The following ATG5 variants were observed in gnomAD, a reference collection of about 807,000 sequenced individuals.
ATG5 encodes autophagy related 5.
A neutral mutation model predicts 36.5 loss-of-function variants in ATG5; 14 were observed. That is an observed-to-expected ratio of 0.38 (90% CI 0.25 to 0.60). ATG5 has a LOEUF of 0.60. Ranked by LOEUF, ATG5 falls within the 20% of genes least tolerant of loss-of-function variation. The pLI, the probability that ATG5 is intolerant of heterozygous loss-of-function variation, is 0.60. For missense variants in ATG5, 195 were observed against 326.7 expected, an observed-to-expected ratio of 0.60 and a Z score of 3.11; for synonymous variants, 95 against 101.5, an observed-to-expected ratio of 0.94 and a Z score of 0.38.
intron 3 of ATG5, among the ~76,000 whole-genome samples, chr6:106,300,493 C>T (rs902432228): frequency 6.6e-6 from 1 of 152,116 alleles, no homozygotes; most frequent in South Asian, 2.1e-4. Context: ...AACATCAATA[C>T]AGCCATGGGA....
At chr6:106,308,031 A>G (rs1208327673) in intron 3 of ATG5, among the ~76,000 whole-genome samples, 2 of 148,440 alleles carry the variant, frequency 1.3e-5, no homozygotes, top group East Asian at 3.9e-4. Context: ...TTTTGGTGTC[A>G]GAAATAAAAT....
chr6:106,293,691 A>G (rs1240973692), intron 3 of ATG5, among the ~76,000 whole-genome samples: 1 of 152,222 alleles, frequency 6.6e-6, no homozygotes, highest in Non-Finnish European at 1.5e-5. Flanking sequence ...CAAGCCACTG[A>G]ATATTCTTCT....
chr6:106,248,069 A>G, intron 6 of ATG5, 81 bp downstream of exon 6: 2 of 1,096,182 alleles, frequency 1.8e-6, no homozygotes, highest in Non-Finnish European at 2.7e-6. Flanking sequence ...CTATGCAGAC[A>G]AAGAGTTCTA....
Position 106,186,444 on chromosome 6 carries a change from C to T in ATG5, c.*96G>A, listed in dbSNP as rs990688397. 15 of 1,425,196 alleles carry T rather than the reference C, an allele frequency of 1.1e-5. No individual in the cohort carries two copies. In the African/African-American group the frequency reaches 2.0e-4, roughly 19 times the overall value. The allele number at this position is 1,425,196 out of a possible 1,614,324, so 88.3% of individuals were successfully genotyped here. ...CTTGCAGCAGCGAAGTGTTTCTGGT[C>T]AGGTTGCCTCCACCAAACCTGATTG... is the stretch of plus-strand genomic sequence containing the variant. On this transcript the variant is annotated 3_prime_UTR_variant, in exon 8 of 8. Coordinates refer to ENST00000369076, the MANE Select transcript of ATG5 (RefSeq NM_004849.4).
intron 6 of ATG5, among the ~76,000 whole-genome samples, chr6:106,232,227 G>A (rs182016279): frequency 6.6e-6 from 1 of 152,202 alleles, no homozygotes; most frequent in Admixed American, 6.5e-5. Context: ...GGCCTTCTCA[G>A]TCTTATTTTC....
chr6:106,295,404 T>C (rs1192579957), intron 3 of ATG5, among the ~76,000 whole-genome samples: 2 of 152,186 alleles, frequency 1.3e-5, no homozygotes, highest in Admixed American at 1.3e-4. Context: ...AATAGTCTAA[T>C]CTATTAGATA....
intron 1 of ATG5, among the ~76,000 whole-genome samples, chr6:106,316,648 C>T (rs1400744948): frequency 6.6e-6 from 1 of 152,140 alleles, no homozygotes; most frequent in Admixed American, 6.5e-5. Flanking sequence ...GGATCATTCT[C>T]GCATTTACCC....
chr6:106,229,322 C>T (rs527940122), intron 6 of ATG5, among the ~76,000 whole-genome samples: 14 of 151,786 alleles, frequency 9.2e-5, no homozygotes, highest in Admixed American at 7.9e-4. Context: ...ACCTGTTCCC[C>T]ACCACCCTTG....
chr6:106,314,505 C>T (rs891297775), intron 2 of ATG5, among the ~76,000 whole-genome samples: 2 of 151,956 alleles, frequency 1.3e-5, no homozygotes, highest in Admixed American at 6.6e-5. Context: ...TGCAGTGAGC[C>T]GAGATGGCAC....
intron 5 of ATG5, among the ~76,000 whole-genome samples, chr6:106,258,588 G>A (rs1778893277): frequency 6.6e-6 from 1 of 152,144 alleles, no homozygotes; most frequent in Admixed American, 6.5e-5. Flanking sequence ...TCATTGTAGA[G>A]AGGAGAAAAT....
intron 3 of ATG5, among the ~76,000 whole-genome samples, chr6:106,295,497 T>C (rs1284328044): frequency 3.3e-5 from 5 of 152,210 alleles, no homozygotes; most frequent in African/African-American, 9.6e-5. Context: ...TGAAACACTT[T>C]TGTGAATTTG....
intron 6 of ATG5, among the ~76,000 whole-genome samples, chr6:106,222,223 A>C (rs1011859921): frequency 1.3e-5 from 2 of 152,204 alleles, no homozygotes; most frequent in African/African-American, 4.8e-5. Flanking sequence ...AGGTAAAGAA[A>C]ACTCATTTTT....
intron 6 of ATG5, among the ~76,000 whole-genome samples, chr6:106,242,069 T>C (rs1374132257): frequency 6.6e-6 from 1 of 152,094 alleles, no homozygotes; most frequent in East Asian, 1.9e-4. Context: ...GTGGTATGTA[T>C]ATACAATGGA....
intron 6 of ATG5, among the ~76,000 whole-genome samples, chr6:106,239,969 T>C (rs1778052451): frequency 6.6e-6 from 1 of 152,102 alleles, no homozygotes; most frequent in African/African-American, 2.4e-5. Context: ...TAGACACCTA[T>C]CTCACACAAC....
At chr6:106,263,846 C>T (rs1201403371) in intron 5 of ATG5, among the ~76,000 whole-genome samples, 1 of 146,930 alleles carries the variant, frequency 6.8e-6, no homozygotes, top group Non-Finnish European at 1.5e-5. Flanking sequence ...CATTAGCCTC[C>T]AAGATCAAAG....
At chr6:106,210,154 C>A (rs1005095464) in intron 6 of ATG5, among the ~76,000 whole-genome samples, 2 of 152,132 alleles carry the variant, frequency 1.3e-5, no homozygotes, top group East Asian at 3.8e-4. Flanking sequence ...ACTCTCAACA[C>A]AAATGAGTGA....
At chr6:106,230,356 T>C (rs1777628982) in intron 6 of ATG5, among the ~76,000 whole-genome samples, 1 of 152,172 alleles carries the variant, frequency 6.6e-6, no homozygotes, top group African/African-American at 2.4e-5. Flanking sequence ...TGGGTTGTTA[T>C]GAAATACTCA....
chr6:106,314,606 A>AT (rs988620759), intron 2 of ATG5, among the ~76,000 whole-genome samples: 3 of 151,998 alleles, frequency 2.0e-5, no homozygotes, highest in Non-Finnish European at 4.4e-5. Context: ...GACTTAAATT[A>AT]TTTTTCAGTT....
At chr6:106,305,279 A>G (rs761718536) in intron 3 of ATG5, among the ~76,000 whole-genome samples, 7 of 152,172 alleles carry the variant, frequency 4.6e-5, no homozygotes, top group African/African-American at 7.2e-5. Flanking sequence ...TAACTTTACT[A>G]TATGTACTAT....
Sources: gnomAD v4.1 joint callset for allele counts (sites outside exome capture counted in the v4.1 genomes callset) on GRCh38, gnomAD v4.1.1 for gene constraint, MANE v1.5 for transcripts, NCBI Gene and HGNC (gene_info 2026-07-23, HGNC 2026-07-21) for gene names.